The following CDK6 variants were observed in gnomAD, a reference collection of about 807,000 sequenced individuals.
CDK6 encodes the protein cyclin-dependent kinase 6.
A neutral mutation model predicts 37.1 loss-of-function variants in CDK6; 6 were observed. The ratio of observed to expected loss-of-function variants is 0.16; its 90% confidence interval spans 0.09 to 0.32. The LOEUF (loss-of-function observed/expected upper bound fraction) is 0.32. CDK6 is among the 10% of genes least tolerant of loss of function. The pLI is 1.00. For missense variants in CDK6, 224 were observed against 418.9 expected (o/e 0.53, Z 4.06); for synonymous variants, 160 against 161.3 (o/e 0.99, Z 0.06).
chr7:92,811,294 C>T (rs1800877543), intron 2 of CDK6, among the ~76,000 whole-genome samples: 1 of 152,022 alleles, frequency 6.6e-6, no homozygotes, highest in African/African-American at 2.4e-5. Context: ...ACTAGAAATC[C>T]TGAGTGCTCA....
intron 3 of CDK6, among the ~76,000 whole-genome samples, chr7:92,770,403 G>C (rs1417615558): frequency 1.5e-5 from 2 of 132,500 alleles, no homozygotes; most frequent in African/African-American, 5.7e-5. Context: ...TTATTCTCAT[G>C]AACTTCTCAA....
Position 92,637,229 on chromosome 7 carries a change from C to T in CDK6, c.648-14143G>A, listed in dbSNP as rs940713510. Among the ~76,000 whole-genome samples the T allele has an allele frequency of 2.0e-4, 31 of 152,110 alleles. 1 individual carries two copies. Among genetic ancestry groups the T allele is most frequent in the African/African-American group, 6.8e-4 (28 of 41,394 alleles). On this transcript the variant is annotated intron_variant, in intron 5 of 7. Transcript: ENST00000424848. ...AACTGACTGTTTTACTCAAAAACTC[C>T]TTTTGAATTTAGAAAACAATTTAGT...
At position 92,833,581 on chromosome 7, in the gene CDK6, G is replaced by A; in HGVS notation, c.-258C>T. 1.8e-6 allele frequency: 1 copy of A among 544,130 alleles called. No homozygotes were observed. The highest frequency in any genetic ancestry group is 3.2e-6 in the Non-Finnish European group (1 of 314,868). 33.7% of individuals were successfully genotyped at this position (544,130 alleles called of 1,614,324 possible). A position where few individuals can be genotyped will look rare whatever the true frequency, so the allele number is the denominator to read the frequency against. The stretch of plus-strand genomic sequence containing the variant: ...CTGCAGAGTCGCCGCCGCCGCCGCC[G>A]CCGGAGGAGCGAGCCGATCCCTCCT... On this transcript the variant is annotated 5_prime_UTR_variant, in exon 2 of 8. Coordinates refer to ENST00000424848, the MANE Select transcript of CDK6 (RefSeq NM_001145306.2). The surrounding 1 kb of genome is among the most constrained non-coding windows in gnomAD (Gnocchi z 6.1).
intron 5 of CDK6, among the ~76,000 whole-genome samples, chr7:92,633,901 C>T (rs1796111742): frequency 6.6e-6 from 1 of 152,038 alleles, no homozygotes; most frequent in Admixed American, 6.6e-5. Context: ...GTGGGGTGTG[C>T]TAGTGGCTTT....
At position 92,610,554 on chromosome 7, in the gene CDK6, T is replaced by C. The variant is rs994065225; in HGVS notation, c.*4586A>G. 1.3e-5 allele frequency: 3 copies of C among 228,884 alleles called. No homozygotes were observed. Among genetic ancestry groups the C allele is most frequent in the African/African-American group, 4.4e-5 (2 of 45,136 alleles). The allele number at this position is 228,884 out of a possible 1,614,324, so 14.2% of individuals were successfully genotyped here. On this transcript the variant is annotated 3_prime_UTR_variant, in exon 8 of 8. Coordinates refer to ENST00000424848, the MANE Select transcript of CDK6 (RefSeq NM_001145306.2). ...GTTTATTTTCTGAAAAAGTACAAGA[T>C]AGAAATGCTTGAGATATAGGGATGT...
At chr7:92,658,907 A>C (rs1354800014) in intron 5 of CDK6, among the ~76,000 whole-genome samples, 1 of 152,216 alleles carries the variant, frequency 6.6e-6, no homozygotes, top group African/African-American at 2.4e-5. Flanking sequence ...TTTTAAAGTA[A>C]GGACATATTG....
intron 4 of CDK6, among the ~76,000 whole-genome samples, chr7:92,675,259 A>G (rs1797177891): frequency 1.3e-5 from 2 of 152,380 alleles, no homozygotes; most frequent in South Asian, 4.1e-4. Flanking sequence ...CAAAATCATA[A>G]TAACAATATT....
At chr7:92,656,420 C>T (rs1178831408) in intron 5 of CDK6, among the ~76,000 whole-genome samples, 1 of 152,152 alleles carries the variant, frequency 6.6e-6, no homozygotes, top group African/African-American at 2.4e-5. Context: ...CATTTTAGTA[C>T]AAGACCTAGT....
At chr7:92,684,785 G>C (rs1244561758) in intron 4 of CDK6, among the ~76,000 whole-genome samples, 1 of 152,106 alleles carries the variant, frequency 6.6e-6, no homozygotes, top group Non-Finnish European at 1.5e-5. Context: ...AAATAGGAGA[G>C]AAGGAAAATA....
chr7:92,737,673 T>G (rs1251749204), intron 3 of CDK6, among the ~76,000 whole-genome samples: 1 of 152,232 alleles, frequency 6.6e-6, no homozygotes, highest in African/African-American at 2.4e-5. Context: ...TTAACTCTGG[T>G]TGCTTTCTCA....
chr7:92,629,281 G>A (rs2116507836), intron 5 of CDK6, among the ~76,000 whole-genome samples: 1 of 152,124 alleles, frequency 6.6e-6, no homozygotes, highest in East Asian at 1.9e-4. Flanking sequence ...GGGACTATGA[G>A]TCTGGTAATT....
At chr7:92,625,059 T>C (rs1795893843) in intron 5 of CDK6, among the ~76,000 whole-genome samples, 1 of 152,062 alleles carries the variant, frequency 6.6e-6, no homozygotes, top group Non-Finnish European at 1.5e-5. Flanking sequence ...TCTTCCTATA[T>C]GATCTTAGGA....
rs1313462604 is a variant in CDK6 at position 92,772,362 on chromosome 7, C to T, written c.369+2334G>A. Among the ~76,000 whole-genome samples, 4 of 151,936 alleles carry T rather than the reference C, an allele frequency of 2.6e-5. No homozygotes were observed. In the South Asian group the frequency reaches 6.2e-4, roughly 24 times the overall value. Reference sequence around the variant, plus strand: ...ATGAAAACATCAATACAACATTAGCCACAAACCTTCAATAACTAGAGCCCC... The same window carrying T: ...ATGAAAACATCAATACAACATTAGCTACAAACCTTCAATAACTAGAGCCCC... On this transcript the variant is annotated intron_variant, in intron 3 of 7. Transcript: ENST00000424848.
intron 5 of CDK6, among the ~76,000 whole-genome samples, chr7:92,624,979 T>C (rs1413070561): frequency 6.6e-6 from 1 of 151,868 alleles, no homozygotes; most frequent in Non-Finnish European, 1.5e-5. Flanking sequence ...TTTTCAAGAT[T>C]TTTTTTTGAC....
At position 92,605,739 on chromosome 7, in the gene CDK6, C is replaced by T. The variant is rs900471075; in HGVS notation, c.*9401G>A. The T allele has an allele frequency of 8.6e-6, 2 of 233,154 alleles. No homozygotes were observed. Among genetic ancestry groups the T allele is most frequent in the Non-Finnish European group, 8.5e-6 (1 of 118,060 alleles). The allele number at this position is 233,154 out of a possible 1,614,324, so 14.4% of individuals were successfully genotyped here. ...TTGCTAGAGTGAGACAGCCCTTCCCCTCTTGCTATGTCTATACCATACCTG... is the reference window on the plus strand; with the variant it reads ...TTGCTAGAGTGAGACAGCCCTTCCCTTCTTGCTATGTCTATACCATACCTG... On this transcript the variant is annotated 3_prime_UTR_variant, in exon 8 of 8. Transcript: ENST00000424848.
At chr7:92,634,478 T>TTC (rs1796125050) in intron 5 of CDK6, among the ~76,000 whole-genome samples, 1 of 152,004 alleles carries the variant, frequency 6.6e-6, no homozygotes, top group Non-Finnish European at 1.5e-5. Context: ...TTCATAACTT[T>TTC]TTTTTTTTGG....
intron 6 of CDK6, among the ~76,000 whole-genome samples, chr7:92,621,722 A>T (rs1438936020): frequency 6.6e-6 from 1 of 152,204 alleles, no homozygotes; most frequent in African/African-American, 2.4e-5. Flanking sequence ...CAGGGGTAAC[A>T]TGAAGGCTTT....
At chr7:92,791,040 T>C (rs527509462) in intron 2 of CDK6, among the ~76,000 whole-genome samples, 1 of 152,156 alleles carries the variant, frequency 6.6e-6, no homozygotes, top group Non-Finnish European at 1.5e-5. Context: ...GTAAGGAGAC[T>C]GTTGCTGCAG....
At chr7:92,775,099 C>T (rs1217624042) in intron 2 of CDK6, among the ~76,000 whole-genome samples, 1 of 152,184 alleles carries the variant, frequency 6.6e-6, no homozygotes, top group Non-Finnish European at 1.5e-5. Flanking sequence ...CACAAGAACG[C>T]TTGGAGAGTT....
Sources: gnomAD v4.1 joint callset for allele counts (sites outside exome capture counted in the v4.1 genomes callset) on GRCh38, gnomAD v4.1.1 for gene constraint, Gnocchi (gnomAD v3.1) non-coding constraint, MANE v1.5 for transcripts, NCBI Gene and HGNC (gene_info 2026-07-23, HGNC 2026-07-21) for gene names.